N4BP2L2: variants seen among roughly 807,000 people sequenced by gnomAD.
N4BP2L2 encodes NEDD4-binding protein 2-like 2.
In N4BP2L2, 50 loss-of-function variants were observed where a neutral mutation model predicts 56.2. The observed-to-expected ratio is 0.89, with a 90% CI of 0.71 to 1.13. The LOEUF is 1.13. Ranked by LOEUF, N4BP2L2 falls within the 50% of genes most tolerant of loss-of-function variation. The pLI is 0.00. For missense variants in N4BP2L2, 689 were observed against 693.8 expected, an observed-to-expected ratio of 0.99 and a Z score of 0.08; for synonymous variants, 203 against 223.6, an observed-to-expected ratio of 0.91 and a Z score of 0.82.
At chr13:32,517,472 A>T in exon 6 of N4BP2L2, 1 of 1,019,852 alleles carries the variant, frequency 9.8e-7, no homozygotes, top group Non-Finnish European at 1.2e-6. Flanking sequence ...AACTATTAAA[A>T]AACTGTTCAA....
intron 8 of N4BP2L2, among the ~76,000 whole-genome samples, chr13:32,437,947 C>T (rs1013708465): frequency 6.6e-6 from 1 of 152,274 alleles, no homozygotes; most frequent in East Asian, 1.9e-4. Context: ...GTATGTAGCA[C>T]TTCTCTCAAG....
intron 2 of N4BP2L2, among the ~76,000 whole-genome samples, chr13:32,532,062 A>C (rs2054968344): frequency 6.6e-6 from 1 of 152,178 alleles, no homozygotes; most frequent in South Asian, 2.1e-4. Flanking sequence ...TTGTGATCAC[A>C]CTGGGCCAAT....
At chr13:32,440,154 C>G (rs1159819304) in intron 7 of N4BP2L2, among the ~76,000 whole-genome samples, 1 of 152,090 alleles carries the variant, frequency 6.6e-6, no homozygotes, top group Non-Finnish European at 1.5e-5. Context: ...ATTATGACTC[C>G]TTGGCCCTAG....
intron 3 of N4BP2L2, chr13:32,523,322 G>C (rs1009080807): frequency 6.6e-6 from 1 of 150,974 alleles, no homozygotes; most frequent in African/African-American, 2.4e-5. Context: ...ACCTTATGAA[G>C]TGGAGGTTGC....
chr13:32,477,143 C>G, intron 6 of N4BP2L2: 1 of 593,938 alleles, frequency 1.7e-6, no homozygotes, highest in South Asian at 1.5e-5. Context: ...TTGCCACTAT[C>G]ATACACCAGC....
intron 6 of N4BP2L2, among the ~76,000 whole-genome samples, chr13:32,488,385 C>CTCT (rs1313191768): frequency 3.3e-5 from 5 of 152,044 alleles, no homozygotes; most frequent in Admixed American, 2.6e-4. Flanking sequence ...AATATGGAAA[C>CTCT]AAGAGACACT....
chr13:32,517,151 G>T, exon 6 of N4BP2L2: 1 of 985,370 alleles, frequency 1.0e-6, no homozygotes, highest in African/African-American at 1.7e-5. Flanking sequence ...GGGTTAGGGA[G>T]ATGGGTTGAG....
chr13:32,537,685 A>G (rs1440413566), intron 1 of N4BP2L2, among the ~76,000 whole-genome samples: 1 of 152,194 alleles, frequency 6.6e-6, no homozygotes, highest in Non-Finnish European at 1.5e-5. Context: ...AGTTGTAATG[A>G]TGATAACGGA....
intron 6 of N4BP2L2, among the ~76,000 whole-genome samples, chr13:32,502,912 C>T (rs2090264918): frequency 6.6e-6 from 1 of 152,092 alleles, no homozygotes; most frequent in African/African-American, 2.4e-5. Flanking sequence ...GTGGCTCACA[C>T]CTGTAATCCA....
chr13:32,486,463 G>C (rs2085882844), intron 6 of N4BP2L2, among the ~76,000 whole-genome samples: 1 of 151,488 alleles, frequency 6.6e-6, no homozygotes, highest in South Asian at 2.1e-4. Flanking sequence ...ATCACCTGAG[G>C]TCGGGAGTTC....
At chr13:32,527,863 C>T (rs990727362) in intron 2 of N4BP2L2, among the ~76,000 whole-genome samples, 4 of 151,974 alleles carry the variant, frequency 2.6e-5, no homozygotes, top group Non-Finnish European at 5.9e-5. Context: ...CCTCCGCCTC[C>T]CGGGTTCAAG....
chr13:32,450,029 TTAAC>T lies in N4BP2L2; in HGVS notation c.366-5907_366-5904del, dbSNP rs1397264181. Reference sequence around the variant, plus strand: ...AACAATGAGACAAAGACACAGAAGTTTAACTAGCATAATAATGATTGAGTGCACT... The same window carrying T: ...AACAATGAGACAAAGACACAGAAGTTTAGCATAATAATGATTGAGTGCACT... On this transcript the variant is annotated intron_variant, in intron 6 of 9. Transcript: ENST00000357505. Among the ~76,000 whole-genome samples, 4 of 152,278 alleles carry T rather than the reference TTAAC, an allele frequency of 2.6e-5. No homozygotes were observed. The East Asian group carries it at 7.7e-4, about 29-fold the overall frequency.
At chr13:32,485,348 T>C (rs2085630605) in intron 6 of N4BP2L2, among the ~76,000 whole-genome samples, 1 of 152,206 alleles carries the variant, frequency 6.6e-6, no homozygotes, top group African/African-American at 2.4e-5. Context: ...GATGGCTTCA[T>C]TGGTGAACGC....
chr13:32,470,150 T>G (rs1020704260), intron 6 of N4BP2L2, among the ~76,000 whole-genome samples: 1 of 152,092 alleles, frequency 6.6e-6, no homozygotes, highest in African/African-American at 2.4e-5. Context: ...TGGGGGTGGA[T>G]GTTTTGCACA....
intron 6 of N4BP2L2, among the ~76,000 whole-genome samples, chr13:32,458,601 T>C (rs1241121905): frequency 1.3e-5 from 2 of 152,170 alleles, no homozygotes; most frequent in African/African-American, 2.4e-5. Flanking sequence ...ATACTAAATA[T>C]GTATGCACCC....
At chr13:32,456,199 A>G (rs891789240) in intron 6 of N4BP2L2, among the ~76,000 whole-genome samples, 7 of 152,224 alleles carry the variant, frequency 4.6e-5, no homozygotes, top group African/African-American at 7.2e-5. Flanking sequence ...CCCCTTCCAC[A>G]GTAAACCTCA....
exon 6 of N4BP2L2, chr13:32,517,845 G>A (rs1331284457): frequency 6.2e-7 from 1 of 1,613,878 alleles, no homozygotes. Flanking sequence ...TGAGCCAAGA[G>A]AGCCTCCCCA....
intron 6 of N4BP2L2, among the ~76,000 whole-genome samples, chr13:32,497,378 G>C (rs1374682192): frequency 6.6e-6 from 1 of 152,284 alleles, no homozygotes; most frequent in South Asian, 2.1e-4. Context: ...TTGCTCCCAA[G>C]ATTTTAGTTT....
chr13:32,467,848 G>C (rs187776248), intron 6 of N4BP2L2, among the ~76,000 whole-genome samples: 2 of 151,816 alleles, frequency 1.3e-5, no homozygotes, highest in East Asian at 2.0e-4. Flanking sequence ...AAATTATCTG[G>C]GCATGGTGGC....
Sources: gnomAD v4.1 joint callset for allele counts (sites outside exome capture counted in the v4.1 genomes callset) on GRCh38, gnomAD v4.1.1 for gene constraint, MANE v1.5 for transcripts, NCBI Gene and HGNC (gene_info 2026-07-23, HGNC 2026-07-21) for gene names.